Variants in HEATR3 observed in about 807,000 individuals in gnomAD.
HEATR3 encodes HEAT repeat-containing protein 3.
A neutral mutation model predicts 72.8 loss-of-function variants in HEATR3; 56 were observed. The observed-to-expected ratio is 0.77, with a 90% CI of 0.62 to 0.96. The LOEUF (loss-of-function observed/expected upper bound fraction) is 0.96. Ranked by LOEUF, HEATR3 falls within the 40% of genes least tolerant of loss-of-function variation. The pLI, the probability that HEATR3 is intolerant of heterozygous loss-of-function variation, is 0.00. For synonymous variants in HEATR3, 331 were observed against 318.1 expected (o/e 1.04, Z -0.43); for missense variants, 747 against 831.4 (o/e 0.90, Z 1.25).
At chr16:50,094,621 A>G in intron 11 of HEATR3, 84 bp from the exon 12 acceptor site, 1 of 725,892 alleles carries the variant, frequency 1.4e-6, no homozygotes, top group Non-Finnish European at 2.3e-6. Flanking sequence ...ATTAACATTT[A>G]GCATGCTTTG....
At chr16:50,102,485 G>A (rs1447179400) in intron 14 of HEATR3, 50 bp downstream of exon 14, 16 of 1,553,758 alleles carry the variant, frequency 1.0e-5, no homozygotes, top group Non-Finnish European at 1.3e-5. Context: ...ATTCTGTGGG[G>A]ACAAGGGTGT....
intron 11 of HEATR3, among the ~76,000 whole-genome samples, chr16:50,087,160 G>A (rs1024990775): frequency 6.6e-6 from 1 of 152,078 alleles, no homozygotes; most frequent in Non-Finnish European, 1.5e-5. Flanking sequence ...ATAAGAGAGC[G>A]TGTGTATGCG....
At chr16:50,073,940 A>T (rs1304881479) in intron 5 of HEATR3, 3 of 152,218 alleles carry the variant, frequency 2.0e-5, no homozygotes, top group East Asian at 1.9e-4. Flanking sequence ...AAATGAACTT[A>T]TAAGATTCCA....
intron 7 of HEATR3, 78 bp from the exon 8 acceptor site, chr16:50,083,859 C>A (rs1201610101): frequency 3.0e-6 from 4 of 1,322,640 alleles, no homozygotes; most frequent in African/African-American, 1.5e-5. Context: ...TTCTAGTAGG[C>A]TTTCACTAAG....
At chr16:50,095,155 C>G (rs562514591) in intron 12 of HEATR3, among the ~76,000 whole-genome samples, 62 of 151,642 alleles carry the variant, frequency 4.1e-4, no homozygotes, top group Middle Eastern at 3.4e-3. Flanking sequence ...CCTCTGTCGC[C>G]CAGGCTGGAG....
chr16:50,101,106 C>CTTTTTTTT (rs5816674), intron 13 of HEATR3, among the ~76,000 whole-genome samples: 15 of 144,340 alleles, frequency 1.0e-4, no homozygotes, highest in Non-Finnish European at 1.1e-4. Context: ...ACTTGCAAAG[C>CTTTTTTTT]TTTTTTTTTT....
chr16:50,102,289 A>G lies in HEATR3; in HGVS notation c.1774A>G (p.Thr592Ala). 1 of 1,613,490 alleles carries G rather than the reference A, an allele frequency of 6.2e-7. No homozygotes were observed. The highest frequency in any genetic ancestry group is 2.2e-5 in the East Asian group (1 of 44,868). ...TGGGTGCTTTCTGCTTGAAGTTACC[A>G]CCAAAGATCCTTCCCTTGTGGTAGC... Reference protein sequence around the residue: ...NIGCFLLEVTTKDPSLVVAGE... With the variant: ...NIGCFLLEVTAKDPSLVVAGE... The change falls in exon 14 of 15, where the codon ACC (threonine) becomes GCC (alanine). Residue 592 changes from threonine (T) to alanine (A), a missense_variant. Physicochemically the swap from Thr to Ala is moderately conservative, Grantham distance 58 (BLOSUM62 0). This residue lies in a region of HEATR3 where 586 missense variants were observed against 708.8 expected (regional missense o/e 0.83). Transcript: ENST00000299192.
chr16:50,097,184 A>G (rs2037258623), intron 12 of HEATR3, among the ~76,000 whole-genome samples: 1 of 152,138 alleles, frequency 6.6e-6, no homozygotes, highest in Non-Finnish European at 1.5e-5. Context: ...ATCATATGAT[A>G]TTATAAAATA....
In HEATR3 at chr16:50,079,060, G is replaced by GT. The variant is rs66756058; in HGVS notation, c.1041+52dup. The GT allele has an allele frequency of 1.4e-5, 18 of 1,291,320 alleles. No individual in the cohort carries two copies. In the African/African-American group the frequency reaches 1.7e-4, roughly 12 times the overall value. 80.0% of individuals were successfully genotyped at this position (1,291,320 alleles called of 1,614,324 possible). ...TTCTCAAATATGGATTAATACAGCTGTTTTTTTTTTCCAGCAGTTATCCTT... is the reference window on the plus strand; with the variant it reads ...TTCTCAAATATGGATTAATACAGCTGTTTTTTTTTTTCCAGCAGTTATCCTT... On this transcript the variant is annotated intron_variant, in intron 7 of 14. Transcript: ENST00000299192.
chr16:50,076,749 G>A (rs1273687025), intron 6 of HEATR3, among the ~76,000 whole-genome samples: 1 of 149,262 alleles, frequency 6.7e-6, no homozygotes, highest in Non-Finnish European at 1.5e-5. Context: ...ACCCAGGCTG[G>A]AACGCAGTGG....
At chr16:50,086,647 C>G (rs1297943474) in intron 11 of HEATR3, among the ~76,000 whole-genome samples, 1 of 152,166 alleles carries the variant, frequency 6.6e-6, no homozygotes, top group Non-Finnish European at 1.5e-5. Context: ...GGATAATTCT[C>G]AGCCAAGCAC....
rs892526535 is a variant in HEATR3 at position 50,105,484 on chromosome 16, C to T, written c.*423C>T. ...CTCCAAAAAAAAAAAAAAAAAAAAA[C>T]TTCAAAACCTGTCAGAAACTCTGTT... On this transcript the variant is annotated 3_prime_UTR_variant, in exon 15 of 15. Transcript: ENST00000299192. 1.4e-5 allele frequency: 2 copies of T among 138,604 alleles called. No homozygotes were observed. The highest frequency in any genetic ancestry group is 2.9e-5 in the African/African-American group (1 of 34,688). 8.6% of individuals were successfully genotyped at this position (138,604 alleles called of 1,614,324 possible).
At chr16:50,097,722 C>T (rs921553919) in intron 12 of HEATR3, among the ~76,000 whole-genome samples, 1 of 152,012 alleles carries the variant, frequency 6.6e-6, no homozygotes, top group African/African-American at 2.4e-5. Flanking sequence ...TGAGACCAGC[C>T]TGACCCACAT....
At position 50,084,486 on chromosome 16, in the gene HEATR3, G is replaced by GAGT. The variant is rs200385606; in HGVS notation, c.1291-81_1291-79dup. ...TATGAAGCCTAACCATTTCACTTAG[G>GAGT]AGTAATATGTTGGAATTATGTAAGG... On this transcript the variant is annotated intron_variant, in intron 9 of 14. Transcript: ENST00000299192. The GAGT allele has an allele frequency of 2.3e-3, 2,711 of 1,160,432 alleles. 47 individuals carry two copies. The African/African-American group carries it at 0.037, about 16-fold the overall frequency. The allele number at this position is 1,160,432 out of a possible 1,614,324, so 71.9% of individuals were successfully genotyped here. A position where few individuals can be genotyped will look rare whatever the true frequency, so the allele number is the denominator to read the frequency against.
intron 13 of HEATR3, 29 bp downstream of exon 13, chr16:50,100,402 G>A: frequency 6.2e-7 from 1 of 1,605,178 alleles, no homozygotes; most frequent in East Asian, 2.2e-5. Flanking sequence ...GACCTAACAT[G>A]TTAAATAATT....
intron 7 of HEATR3, among the ~76,000 whole-genome samples, chr16:50,083,620 A>G (rs1258665575): frequency 3.3e-5 from 5 of 152,128 alleles, no homozygotes; most frequent in Non-Finnish European, 5.9e-5. Flanking sequence ...GACACAGTAG[A>G]TAAGTTTCAG....
intron 12 of HEATR3, among the ~76,000 whole-genome samples, chr16:50,099,447 A>T (rs1382280591): frequency 2.6e-5 from 4 of 152,338 alleles, no homozygotes; most frequent in Non-Finnish European, 5.9e-5. Context: ...TCTACAAAAA[A>T]TAAAAATACA....
intron 4 of HEATR3, among the ~76,000 whole-genome samples, chr16:50,071,033 T>G (rs2036599693): frequency 6.6e-6 from 1 of 152,158 alleles, no homozygotes. Context: ...ACTGTCTGAT[T>G]GGGAAGTAGA....
At position 50,077,855 on chromosome 16, in the gene HEATR3, G is replaced by A. The variant is rs367887053; in HGVS notation, c.764-886G>A. Among the ~76,000 whole-genome samples the A allele has an allele frequency of 1.7e-4, 25 of 147,868 alleles. 1 individual carries two copies. In the South Asian group the frequency reaches 5.4e-3, roughly 32 times the overall value. ...TCTACAACTTGGATATTGTGAATAC[G>A]GCTGCTGTGAAAATGGATGTAATTT... On this transcript the variant is annotated intron_variant, in intron 6 of 14. Coordinates refer to ENST00000299192, the MANE Select transcript of HEATR3 (RefSeq NM_182922.4).
Sources: allele counts gnomAD v4.1 joint callset (sites outside exome capture counted in the v4.1 genomes callset), GRCh38; gene constraint gnomAD v4.1.1; regional missense constraint gnomAD v4.1.1; transcripts MANE v1.5; gene names NCBI Gene and HGNC (gene_info 2026-07-23, HGNC 2026-07-21).